MAP3K21: variants seen among roughly 807,000 people sequenced by gnomAD.
The protein encoded by MAP3K21 is mitogen-activated protein kinase kinase kinase 21.
A neutral mutation model predicts 86.1 loss-of-function variants in MAP3K21; 63 were observed. The observed-to-expected ratio is 0.73, with a 90% CI of 0.60 to 0.90. The LOEUF (loss-of-function observed/expected upper bound fraction) is 0.90. MAP3K21 is among the 40% of genes least tolerant of loss of function. The probability of loss-of-function intolerance (pLI) is 0.00; values close to 1 mark genes in which losing one functional copy is unlikely to be tolerated. For missense variants in MAP3K21, 1,220 were observed against 1,367.7 expected (o/e 0.89, Z 1.70); for synonymous variants, 558 against 564.8 (o/e 0.99, Z 0.17).
At chr1:233,377,274 G>A (rs545130087) in intron 8 of MAP3K21, among the ~76,000 whole-genome samples, 5 of 152,202 alleles carry the variant, frequency 3.3e-5, no homozygotes, top group African/African-American at 9.6e-5. Flanking sequence ...CTTCAAGCAC[G>A]GTTACTAACA....
chr1:233,361,114 A>C (rs1265860256), intron 4 of MAP3K21, among the ~76,000 whole-genome samples: 2 of 152,264 alleles, frequency 1.3e-5, no homozygotes, highest in Non-Finnish European at 2.9e-5. Flanking sequence ...GTCTCTGGTA[A>C]AGAACAGAAC....
rs74728809 is a variant in MAP3K21, at chr1:233,375,811, G to A, written c.1676-105G>A. 1.4e-3 allele frequency: 1,085 copies of A among 799,512 alleles called. 10 individuals carry two copies. In the African/African-American group the frequency reaches 0.018, roughly 13 times the overall value. 49.5% of individuals were successfully genotyped at this position (799,512 alleles called of 1,614,324 possible). ...TTTTCTCATTGTTTTCATGTTTTGA[G>A]TAAGGTAGTTTCACAACTGATATGA... On this transcript the variant is annotated intron_variant, in intron 6 of 9. Transcript: ENST00000366624.
At chr1:233,369,639 A>T (rs1663646750) in intron 5 of MAP3K21, among the ~76,000 whole-genome samples, 1 of 152,320 alleles carries the variant, frequency 6.6e-6, no homozygotes, top group Middle Eastern at 3.4e-3. Flanking sequence ...AAAAAATCAA[A>T]GAGGAAGAAG....
intron 3 of MAP3K21, 124 bp from the exon 4 acceptor site, chr1:233,354,712 T>G (rs909981371): frequency 1.0e-5 from 8 of 786,876 alleles, no homozygotes; most frequent in Non-Finnish European, 1.7e-5. Flanking sequence ...GCAGATACTA[T>G]AAATGGAAGC....
Position 233,376,356 on chromosome 1 carries a change from G to A in MAP3K21, c.1827-74G>A, listed in dbSNP as rs1572257758. ...CTTTACTACCTTAAAAATATTGTTG[G>A]TCTGTATCCACCAAAACCTAATTGG... On this transcript the variant is annotated intron_variant, in intron 7 of 9. Coordinates refer to ENST00000366624, the MANE Select transcript of MAP3K21 (RefSeq NM_032435.3). 4 of 1,065,508 alleles carry A rather than the reference G, an allele frequency of 3.8e-6. No homozygotes were observed. The East Asian group carries it at 9.7e-5, about 26-fold the overall frequency. The allele number at this position is 1,065,508 out of a possible 1,614,324, so 66.0% of individuals were successfully genotyped here.
chr1:233,370,796 G>C (rs949509302), intron 5 of MAP3K21, among the ~76,000 whole-genome samples: 1 of 152,168 alleles, frequency 6.6e-6, no homozygotes, highest in Non-Finnish European at 1.5e-5. Context: ...CGCAGACCTG[G>C]TTGATGTCTA....
At chr1:233,366,072 A>G (rs1572252818) in intron 5 of MAP3K21, among the ~76,000 whole-genome samples, 1 of 152,208 alleles carries the variant, frequency 6.6e-6, no homozygotes, top group Non-Finnish European at 1.5e-5. Flanking sequence ...ACATTATGTT[A>G]AGTGAAGTAA....
At chr1:233,343,353 A>G (rs1451859512) in intron 1 of MAP3K21, among the ~76,000 whole-genome samples, 1 of 152,190 alleles carries the variant, frequency 6.6e-6, no homozygotes, top group Non-Finnish European at 1.5e-5. Context: ...AGCACTTCAC[A>G]TGTATTCATT....
chr1:233,379,069 G>C lies in MAP3K21; in HGVS notation c.2063G>C (p.Ser688Thr). 6.2e-7 allele frequency: 1 copy of C among 1,614,140 alleles called. No homozygotes were observed. Among genetic ancestry groups the C allele is most frequent in the Non-Finnish European group, 8.5e-7 (1 of 1,179,976 alleles). ...AQRENPAEAE[S>T]WEEAASANAA... is the part of the protein sequence containing the mutation. ...AGAGAGAATCCTGCAGAAGCTGAAA[G>C]CTGGGAGGAGGCAGCCTCTGCGAAT... Residue 688 changes from serine (S) to threonine (T), a missense_variant, in exon 9 of 10, where the codon AGC becomes ACC. By Grantham distance (58) the Ser-to-Thr change is moderately conservative (BLOSUM62 1). This residue lies in a region of MAP3K21 where 632 missense variants were observed against 691.3 expected (regional missense o/e 0.91). Coordinates refer to ENST00000366624, the MANE Select transcript of MAP3K21 (RefSeq NM_032435.3).
chr1:233,332,506 T>G (rs1439809850), intron 1 of MAP3K21, among the ~76,000 whole-genome samples: 3 of 152,160 alleles, frequency 2.0e-5, no homozygotes, highest in Non-Finnish European at 2.9e-5. Flanking sequence ...CCCTCTGCTG[T>G]GCACATGGAG....
chr1:233,355,695 T>A (rs1663338594), intron 4 of MAP3K21, among the ~76,000 whole-genome samples: 1 of 152,142 alleles, frequency 6.6e-6, no homozygotes, highest in South Asian at 2.1e-4. Context: ...TTTGTGGTAA[T>A]GGGATCACTG....
At chr1:233,367,999 T>G (rs1663611948) in intron 5 of MAP3K21, among the ~76,000 whole-genome samples, 1 of 152,254 alleles carries the variant, frequency 6.6e-6, no homozygotes, top group South Asian at 2.1e-4. Context: ...GTATCTTTGC[T>G]GCTCTCACCC....
At chr1:233,377,374 G>A (rs77973725) in intron 8 of MAP3K21, among the ~76,000 whole-genome samples, 5 of 152,194 alleles carry the variant, frequency 3.3e-5, no homozygotes, top group Non-Finnish European at 7.3e-5. Context: ...AAGACACAAT[G>A]TAAATGTATT....
At chr1:233,364,247 C>A (rs1434928992) in intron 5 of MAP3K21, among the ~76,000 whole-genome samples, 1 of 151,554 alleles carries the variant, frequency 6.6e-6, no homozygotes, top group Non-Finnish European at 1.5e-5. Context: ...ACTGGTCTGT[C>A]TTACGTGTCA....
At chr1:233,350,101 A>G (rs968114251) in intron 2 of MAP3K21, among the ~76,000 whole-genome samples, 1 of 152,166 alleles carries the variant, frequency 6.6e-6, no homozygotes, top group African/African-American at 2.4e-5. Flanking sequence ...ATAAAAAGGC[A>G]TAGTGTTTGC....
chr1:233,363,573 G>T (rs1663507956), intron 5 of MAP3K21, among the ~76,000 whole-genome samples: 2 of 151,952 alleles, frequency 1.3e-5, no homozygotes, highest in Admixed American at 1.3e-4. Context: ...ATGGTGGCAG[G>T]TGCCTGTAAT....
chr1:233,328,267 G>C lies in MAP3K21; in HGVS notation c.239G>C (p.Trp80Ser). ...QDAAVSGDEGWWAGQVQRRLG... is the reference protein window; with the variant it reads ...QDAAVSGDEGSWAGQVQRRLG... ...GCCGCCGTGTCGGGCGACGAGGGCT[G>C]GTGGGCAGGCCAGGTGCAGCGGCGC... Residue 80 changes from tryptophan (W) to serine (S), a missense_variant, in exon 1 of 10, where the codon TGG (tryptophan) becomes TCG (serine). Physicochemically the swap from Trp to Ser is radical, Grantham distance 177. Transcript: ENST00000366624. This position sits in a 1 kb window ranked among gnomAD's most constrained non-coding sequence, Gnocchi z 8.7. 2 of 1,490,728 alleles carry C rather than the reference G, an allele frequency of 1.3e-6. No homozygotes were observed. The highest frequency in any genetic ancestry group is 1.8e-6 in the Non-Finnish European group (2 of 1,128,332). The allele number at this position is 1,490,728 out of a possible 1,614,324, so 92.3% of individuals were successfully genotyped here. A position where few individuals can be genotyped will look rare whatever the true frequency, so the allele number is the denominator to read the frequency against.
intron 1 of MAP3K21, among the ~76,000 whole-genome samples, chr1:233,337,331 T>C (rs1662935943): frequency 6.6e-6 from 1 of 152,244 alleles, no homozygotes. Flanking sequence ...CAATTCCTCA[T>C]ATATGTCAAA....
chr1:233,356,301 G>C (rs112545475), intron 4 of MAP3K21, among the ~76,000 whole-genome samples: 1,526 of 152,266 alleles, frequency 0.01, 14 homozygotes, highest in Admixed American at 0.015. Flanking sequence ...ATAAGTTCAT[G>C]AACTATGCTT....
Sources: allele counts gnomAD v4.1 joint callset (sites outside exome capture counted in the v4.1 genomes callset), GRCh38; gene constraint gnomAD v4.1.1; regional missense constraint gnomAD v4.1.1; non-coding constraint Gnocchi (gnomAD v3.1); transcripts MANE v1.5; gene names NCBI Gene and HGNC (gene_info 2026-07-23, HGNC 2026-07-21).